The following ASCC1 variants were observed in gnomAD, a reference collection of about 807,000 sequenced individuals.
ASCC1 encodes the protein activating signal cointegrator 1 complex subunit 1.
A neutral mutation model predicts 46.6 loss-of-function variants in ASCC1; 35 were observed. The observed-to-expected ratio is 0.75, with a 90% CI of 0.57 to 0.99. The LOEUF (loss-of-function observed/expected upper bound fraction) is 0.99, where lower values mean the gene tolerates loss of function less well. Among genes scored for constraint, ASCC1 ranks in the 50% least tolerant of loss-of-function variants. ASCC1 has a pLI of 0.00. For missense variants in ASCC1, 376 were observed against 428.7 expected, an observed-to-expected ratio of 0.88 and a Z score of 1.09; for synonymous variants, 143 against 146.6, an observed-to-expected ratio of 0.98 and a Z score of 0.18.
intron 9 of ASCC1, among the ~76,000 whole-genome samples, chr10:72,104,498 C>A (rs1842131317): frequency 6.6e-6 from 1 of 152,076 alleles, no homozygotes. Flanking sequence ...TCTTTTGAAC[C>A]TGAACTAAAC....
intron 8 of ASCC1, among the ~76,000 whole-genome samples, chr10:72,128,561 A>C (rs1178243801): frequency 6.6e-6 from 1 of 152,208 alleles, no homozygotes; most frequent in Non-Finnish European, 1.5e-5. Flanking sequence ...AGTGGCATAT[A>C]ATTTTAAATA....
chr10:72,184,427 G>C (rs190899649), intron 5 of ASCC1, among the ~76,000 whole-genome samples: 1 of 152,142 alleles, frequency 6.6e-6, no homozygotes, highest in Non-Finnish European at 1.5e-5. Flanking sequence ...AACCTGTTTT[G>C]AATATAAAGA....
At chr10:72,105,559 A>G (rs1377649109) in intron 9 of ASCC1, among the ~76,000 whole-genome samples, 1 of 152,226 alleles carries the variant, frequency 6.6e-6, no homozygotes, top group Non-Finnish European at 1.5e-5. Context: ...AGAGAAATGT[A>G]GACCTTTGAT....
chr10:72,172,838 A>T (rs1851350921), intron 5 of ASCC1, among the ~76,000 whole-genome samples: 1 of 129,462 alleles, frequency 7.7e-6, no homozygotes, highest in Non-Finnish European at 1.6e-5. Flanking sequence ...TTATATTTTT[A>T]TATTATATAT....
intron 7 of ASCC1, among the ~76,000 whole-genome samples, chr10:72,150,815 C>T (rs1424247692): frequency 1.3e-5 from 2 of 152,180 alleles, no homozygotes; most frequent in African/African-American, 2.4e-5. Context: ...CAAAAGAAGA[C>T]ATTTATGCAG....
Position 72,202,216 on chromosome 10 carries a change from C to CA in ASCC1, c.310+1210dup, listed in dbSNP as rs201391489. On this transcript the variant is annotated intron_variant, in intron 4 of 9. Coordinates refer to ENST00000672957, the MANE Select transcript of ASCC1 (RefSeq NM_001198800.3). Reference sequence around the variant, plus strand: ...GACATGGTGCTCACGCCTGTAATCCCAGCACTTTAGAAGGCCAAGGTGGGT... The same window carrying CA: ...GACATGGTGCTCACGCCTGTAATCCCAAGCACTTTAGAAGGCCAAGGTGGGT... 5.1e-3 allele frequency among the ~76,000 whole-genome samples: 770 copies of CA among 152,264 alleles called. 8 individuals carry two copies. Among genetic ancestry groups the CA allele is most frequent in the African/African-American group, 0.016 (676 of 41,560 alleles).
intron 9 of ASCC1, among the ~76,000 whole-genome samples, chr10:72,106,744 T>C (rs16929676): frequency 0.018 from 2,693 of 152,212 alleles, 50 homozygotes; most frequent in East Asian, 0.1. Context: ...TCCAAAAAAA[T>C]TGCTATGATA....
intron 5 of ASCC1, among the ~76,000 whole-genome samples, chr10:72,182,857 A>G (rs1852838267): frequency 6.6e-6 from 1 of 150,994 alleles, no homozygotes; most frequent in Non-Finnish European, 1.5e-5. Context: ...ACTAAATGCA[A>G]TGCCTGACCT....
At chr10:72,155,120 C>A (rs1431860036) in intron 6 of ASCC1, among the ~76,000 whole-genome samples, 1 of 152,080 alleles carries the variant, frequency 6.6e-6, no homozygotes, top group Non-Finnish European at 1.5e-5. Context: ...GTTCATACAT[C>A]TATAAAATCC....
At chr10:72,148,823 T>C (rs116870465) in intron 7 of ASCC1, among the ~76,000 whole-genome samples, 6,814 of 152,182 alleles carry the variant, frequency 0.045, 165 homozygotes, top group South Asian at 0.073. Flanking sequence ...TGTTCACTAA[T>C]ACAGGTTCAG....
chr10:72,196,301 C>T (rs1317567035), intron 5 of ASCC1, among the ~76,000 whole-genome samples: 14 of 140,144 alleles, frequency 1.0e-4, no homozygotes. Context: ...TTTTTTGAGA[C>T]AGCATCTCAC....
chr10:72,170,520 CAGG>C (rs1426896152), intron 5 of ASCC1, among the ~76,000 whole-genome samples: 1 of 148,978 alleles, frequency 6.7e-6, no homozygotes, highest in African/African-American at 2.5e-5. Flanking sequence ...CACTTGAGCC[CAGG>C]AGTTCAAGGT....
At chr10:72,213,939 G>C (rs545718578) in intron 1 of ASCC1, among the ~76,000 whole-genome samples, 2 of 152,214 alleles carry the variant, frequency 1.3e-5, no homozygotes, top group South Asian at 4.1e-4. Context: ...TCGGGAGGCT[G>C]AGGCAGGAGA....
chr10:72,217,040 C>T (rs1386991574), upstream of ASCC1: 1 of 454,254 alleles, frequency 2.2e-6, no homozygotes, highest in East Asian at 6.9e-5. Flanking sequence ...TGCGTTCTGT[C>T]GTTTGTTCAT....
intron 9 of ASCC1, among the ~76,000 whole-genome samples, chr10:72,099,317 G>C (rs1458235016): frequency 6.6e-6 from 1 of 152,222 alleles, no homozygotes; most frequent in African/African-American, 2.4e-5. Context: ...AGTTAGCTGG[G>C]ATGTGACTGC....
intron 7 of ASCC1, among the ~76,000 whole-genome samples, chr10:72,151,646 A>G (rs189453168): frequency 6.6e-6 from 1 of 152,296 alleles, no homozygotes. Context: ...GTCTGTGCCA[A>G]GCACTATTTT....
chr10:72,177,245 G>T (rs1851972842), intron 5 of ASCC1, among the ~76,000 whole-genome samples: 2 of 152,050 alleles, frequency 1.3e-5, no homozygotes, highest in African/African-American at 4.8e-5. Context: ...CAACTTGGTA[G>T]GTTTTACAAT....
chr10:72,161,103 G>GT (rs1564672082), intron 6 of ASCC1, among the ~76,000 whole-genome samples: 1 of 150,324 alleles, frequency 6.7e-6, no homozygotes, highest in African/African-American at 2.5e-5. Flanking sequence ...AAAAAAGAAA[G>GT]TAAGTCAGTA....
chr10:72,114,623 C>CAAA (rs34531262), intron 9 of ASCC1, among the ~76,000 whole-genome samples: 8 of 94,494 alleles, frequency 8.5e-5, no homozygotes, highest in Non-Finnish European at 1.3e-4. Flanking sequence ...GACTCCGTCT[C>CAAA]AAAAAAAAAA....
Sources: allele counts gnomAD v4.1 joint callset (sites outside exome capture counted in the v4.1 genomes callset), GRCh38; gene constraint gnomAD v4.1.1; transcripts MANE v1.5; gene names NCBI Gene and HGNC (gene_info 2026-07-23, HGNC 2026-07-21).